Variants in NRG1 observed in about 807,000 individuals in gnomAD.
The protein encoded by NRG1 is neuregulin 1, also known as pro-neuregulin-1, membrane-bound isoform.
A neutral mutation model predicts 63.8 loss-of-function variants in NRG1; 18 were observed. The ratio of observed to expected loss-of-function variants is 0.28; its 90% CI spans 0.19 to 0.42. NRG1 has a LOEUF of 0.42. Ranked by LOEUF, NRG1 falls within the 10% of genes least tolerant of loss-of-function variation. The pLI is 1.00. For synonymous variants in NRG1, 302 were observed against 301.3 expected, an observed-to-expected ratio of 1.00 and a Z score of -0.02; for missense variants, 762 against 814.7, an observed-to-expected ratio of 0.94 and a Z score of 0.79.
At chr8:32,536,949 A>AAAAAAT (rs1563600097) in intron 1 of NRG1, among the ~76,000 whole-genome samples, 6 of 141,696 alleles carry the variant, frequency 4.2e-5, no homozygotes, top group East Asian at 2.1e-4. Context: ...AAAAAAAAAA[A>AAAAAAT]TTCTGTTTGT....
intron 1 of NRG1, among the ~76,000 whole-genome samples, chr8:32,063,918 G>C (rs995049061): frequency 6.6e-6 from 1 of 152,006 alleles, no homozygotes; most frequent in African/African-American, 2.4e-5. Context: ...TACGTGGCAT[G>C]CCTGGAGATG....
chr8:32,667,176 G>C (rs1219367785), intron 5 of NRG1, among the ~76,000 whole-genome samples: 2 of 152,152 alleles, frequency 1.3e-5, no homozygotes, highest in Non-Finnish European at 2.9e-5. Flanking sequence ...GTACTAAGTA[G>C]TATAGGCAAT....
At chr8:32,102,396 C>T (rs1194937284) in intron 1 of NRG1, among the ~76,000 whole-genome samples, 1 of 152,076 alleles carries the variant, frequency 6.6e-6, no homozygotes, top group Non-Finnish European at 1.5e-5. Flanking sequence ...CCTTGGCATC[C>T]CAGAGTGCTG....
intron 1 of NRG1, among the ~76,000 whole-genome samples, chr8:31,929,093 T>C (rs993568571): frequency 1.3e-5 from 2 of 152,176 alleles, no homozygotes; most frequent in African/African-American, 4.8e-5. Context: ...TGAGACAAGC[T>C]ATGATCACAT....
At chr8:32,126,552 T>TC (rs1356428035) in intron 1 of NRG1, among the ~76,000 whole-genome samples, 4 of 151,810 alleles carry the variant, frequency 2.6e-5, no homozygotes, top group Non-Finnish European at 5.9e-5. Flanking sequence ...AAAAAGCTCT[T>TC]CCCCAGGGAT....
chr8:31,654,341 G>T lies in NRG1; in HGVS notation c.37+14910G>T, dbSNP rs529881410. On this transcript the variant is annotated intron_variant, in intron 1 of 10. Coordinates refer to the NRG1 transcript ENST00000519301. ...TCCCAGGTGAATAGAGATAATGAAT[G>T]GGTTTGAAGCCGTGTAACAGGAGTA... Among the ~76,000 whole-genome samples, 6 of 152,304 alleles carry T rather than the reference G, an allele frequency of 3.9e-5. No homozygotes were observed. In the East Asian group the frequency reaches 9.6e-4, roughly 24 times the overall value.
intron 5 of NRG1, among the ~76,000 whole-genome samples, chr8:32,683,484 C>T (rs959407764): frequency 7.9e-5 from 12 of 152,262 alleles, no homozygotes; most frequent in East Asian, 5.8e-4. Context: ...GTGCACTTTT[C>T]GGCATAGTAG....
At chr8:32,706,563 GT>G (rs1405935513) in intron 5 of NRG1, among the ~76,000 whole-genome samples, 9 of 151,926 alleles carry the variant, frequency 5.9e-5, no homozygotes, top group Non-Finnish European at 1.3e-4. Flanking sequence ...GTGTGTGTGT[GT>G]GTGTGTGTTT....
chr8:32,605,667 C>A (rs1287061500), exon 3 of NRG1: 3 of 1,613,142 alleles, frequency 1.9e-6, no homozygotes, highest in Non-Finnish European at 2.5e-6. Flanking sequence ...CCAATATCAC[C>A]ATCGTGGAAT....
Position 32,232,338 on chromosome 8 carries a change from G to GTGTTT in NRG1, c.38-363474_38-363470dup, listed in dbSNP as rs565114923. 4.6e-5 allele frequency among the ~76,000 whole-genome samples: 7 copies of GTGTTT among 152,308 alleles called. No individual in the cohort carries two copies. In the South Asian group the frequency reaches 1.0e-3, roughly 23 times the overall value. ...CTCAACAGAATTGCAAAGATGGGTAGTGTTTTGTTTTGTTTTGTTTCTCTG... is the reference window on the plus strand; with the variant it reads ...CTCAACAGAATTGCAAAGATGGGTAGTGTTTTGTTTTGTTTTGTTTTGTTTCTCTG... On this transcript the variant is annotated intron_variant, in intron 1 of 10. Transcript: ENST00000519301.
At chr8:32,291,349 A>G (rs1013076159) in intron 1 of NRG1, among the ~76,000 whole-genome samples, 5 of 152,176 alleles carry the variant, frequency 3.3e-5, no homozygotes, top group African/African-American at 1.2e-4. Context: ...ATACACTGTG[A>G]AACCACTGAC....
intron 1 of NRG1, among the ~76,000 whole-genome samples, chr8:32,147,184 A>C (rs933642064): frequency 2.0e-5 from 3 of 152,134 alleles, no homozygotes; most frequent in Non-Finnish European, 2.9e-5. Flanking sequence ...GCTTTTCTGG[A>C]GGACTGCTTG....
At chr8:31,981,766 G>A (rs1809142114) in intron 1 of NRG1, among the ~76,000 whole-genome samples, 1 of 151,740 alleles carries the variant, frequency 6.6e-6, no homozygotes, top group Non-Finnish European at 1.5e-5. Context: ...CAGCCCTCTG[G>A]GGGATGCAGA....
chr8:31,881,148 A>T (rs946237528), intron 1 of NRG1, among the ~76,000 whole-genome samples: 9 of 152,154 alleles, frequency 5.9e-5, no homozygotes, highest in Non-Finnish European at 2.9e-5. Context: ...CATGCTTTGC[A>T]GATATTGTGT....
At chr8:32,280,709 T>G (rs1391097944) in intron 1 of NRG1, among the ~76,000 whole-genome samples, 4 of 143,892 alleles carry the variant, frequency 2.8e-5, no homozygotes, top group African/African-American at 1.0e-4. Context: ...TTTTTTTTTT[T>G]TTTTTCAGAT....
At chr8:32,295,203 G>A (rs1331206508) in intron 1 of NRG1, among the ~76,000 whole-genome samples, 1 of 152,054 alleles carries the variant, frequency 6.6e-6, no homozygotes, top group Non-Finnish European at 1.5e-5. Context: ...TTAAATTTTT[G>A]TGTAATTTCT....
intron 1 of NRG1, among the ~76,000 whole-genome samples, chr8:31,755,446 C>T (rs1816873572): frequency 6.6e-6 from 1 of 152,054 alleles, no homozygotes; most frequent in Admixed American, 6.6e-5. Context: ...TGTCTCCATC[C>T]CATTGTACAT....
chr8:32,070,942 C>G (rs1825669589), intron 1 of NRG1, among the ~76,000 whole-genome samples: 1 of 152,204 alleles, frequency 6.6e-6, no homozygotes, highest in Non-Finnish European at 1.5e-5. Context: ...CACCTCACCT[C>G]AGCTTCACCG....
intron 1 of NRG1, among the ~76,000 whole-genome samples, chr8:31,706,727 T>C (rs560311157): frequency 6.6e-6 from 1 of 152,334 alleles, no homozygotes; most frequent in African/African-American, 2.4e-5. Context: ...CCTTTGGCAT[T>C]TTGCCAATGT....
Sources: gnomAD v4.1 joint callset for allele counts (sites outside exome capture counted in the v4.1 genomes callset) on GRCh38, gnomAD v4.1.1 for gene constraint, MANE v1.5 for transcripts, NCBI Gene and HGNC (gene_info 2026-07-23, HGNC 2026-07-21) for gene names.